Variants in PACS1 observed in about 807,000 individuals in gnomAD.
The protein encoded by PACS1 is phosphofurin acidic cluster sorting protein 1.
In PACS1, 24 loss-of-function variants were observed where a neutral mutation model predicts 115.0. That is an observed-to-expected ratio of 0.21 (90% CI 0.15 to 0.29). The LOEUF (loss-of-function observed/expected upper bound fraction) is 0.29, where lower values mean the gene tolerates loss of function less well. Ranked by LOEUF, PACS1 falls within the 10% of genes least tolerant of loss-of-function variation. The pLI, the probability that PACS1 is intolerant of heterozygous loss-of-function variation, is 1.00. For missense variants in PACS1, 838 were observed against 1,251.2 expected (o/e 0.67, Z 4.98); for synonymous variants, 453 against 504.5 (o/e 0.90, Z 1.37).
chr11:66,231,100 C>G (rs533898644), intron 13 of PACS1, among the ~76,000 whole-genome samples, 160 bp downstream of exon 13: 15 of 152,368 alleles, frequency 9.8e-5, no homozygotes, highest in Admixed American at 2.0e-4. Flanking sequence ...AGAGAGGTCT[C>G]CTATATTCCT....
intron 1 of PACS1, among the ~76,000 whole-genome samples, chr11:66,141,932 A>C (rs1213033494): frequency 6.6e-6 from 1 of 151,700 alleles, no homozygotes; most frequent in African/African-American, 2.4e-5. Context: ...CAGCCTCCTG[A>C]GTAGCTGGGA....
chr11:66,070,985 C>T lies in PACS1; in HGVS notation c.356+143C>T, dbSNP rs1474374487. 2 of 865,038 alleles carry T rather than the reference C, an allele frequency of 2.3e-6. No homozygotes were observed. The highest frequency in any genetic ancestry group is 3.2e-6 in the Non-Finnish European group (2 of 627,686). The allele number at this position is 865,038 out of a possible 1,614,324, so 53.6% of individuals were successfully genotyped here. A position where few individuals can be genotyped will look rare whatever the true frequency, so the allele number is the denominator to read the frequency against. The stretch of plus-strand genomic sequence containing the variant: ...CCCGGCCTGGCTCCAGCCAGGCCTC[C>T]CGGGACTCCTGCCACGGGGACCCGC... On this transcript the variant is annotated intron_variant, in intron 1 of 23. Coordinates refer to ENST00000320580, the MANE Select transcript of PACS1 (RefSeq NM_018026.4). This position sits in a 1 kb window ranked among gnomAD's most constrained non-coding sequence, Gnocchi z 5.9.
chr11:66,154,590 A>G (rs1267788284), intron 1 of PACS1, among the ~76,000 whole-genome samples: 1 of 152,212 alleles, frequency 6.6e-6, no homozygotes, highest in Non-Finnish European at 1.5e-5. Context: ...ACTGGAAAAA[A>G]AATTTTAAGT....
Position 66,105,934 on chromosome 11 carries a change from C to T in PACS1, c.356+35092C>T, listed in dbSNP as rs78667133. On this transcript the variant is annotated intron_variant, in intron 1 of 23. Transcript: ENST00000320580. Reference sequence around the variant, plus strand: ...AAAAGCCTTTTTATTTGAGATGAAACCCATACAGGCAGGGTAGAAAGGAGT... The same window carrying T: ...AAAAGCCTTTTTATTTGAGATGAAATCCATACAGGCAGGGTAGAAAGGAGT... 4.0e-3 allele frequency among the ~76,000 whole-genome samples: 602 copies of T among 152,208 alleles called. 3 individuals are homozygous for T. Among genetic ancestry groups the T allele is most frequent in the African/African-American group, 0.014 (572 of 41,524 alleles).
chr11:66,185,527 G>A (rs1409176039), intron 1 of PACS1, among the ~76,000 whole-genome samples: 1 of 152,184 alleles, frequency 6.6e-6, no homozygotes, highest in East Asian at 1.9e-4. Context: ...GACTCGGCTA[G>A]AGGTGTTCTT....
intron 2 of PACS1, among the ~76,000 whole-genome samples, chr11:66,208,543 C>T (rs931518305): frequency 6.6e-6 from 1 of 151,714 alleles, no homozygotes; most frequent in African/African-American, 2.4e-5. Context: ...ATTCCTGGCC[C>T]AGCCTGGTGG....
intron 1 of PACS1, among the ~76,000 whole-genome samples, chr11:66,150,416 C>T (rs975225262): frequency 3.3e-5 from 5 of 151,974 alleles, no homozygotes; most frequent in Non-Finnish European, 7.4e-5. Context: ...AACAGAATTC[C>T]TATATCTAAC....
chr11:66,128,577 T>A (rs1457599756), intron 1 of PACS1, among the ~76,000 whole-genome samples: 1 of 152,024 alleles, frequency 6.6e-6, no homozygotes, highest in African/African-American at 2.4e-5. Flanking sequence ...TAGAATTAAA[T>A]TTTAAAATTT....
At chr11:66,237,412 A>G (rs1039388553) in intron 19 of PACS1, among the ~76,000 whole-genome samples, 3 of 152,210 alleles carry the variant, frequency 2.0e-5, no homozygotes, top group Non-Finnish European at 4.4e-5. Context: ...TAGCTTCTAG[A>G]CAGGGAGGGG....
intron 1 of PACS1, among the ~76,000 whole-genome samples, chr11:66,104,574 AC>A (rs761726052): frequency 6.6e-6 from 1 of 152,198 alleles, no homozygotes; most frequent in Non-Finnish European, 1.5e-5. Context: ...CCAAATACTT[AC>A]TACTATCTGG....
rs71455703 is a variant in PACS1 at position 66,115,208 on chromosome 11, C to CAA, written c.356+44386_356+44387dup. Among the ~76,000 whole-genome samples the CAA allele has an allele frequency of 0.015, 1,231 of 80,184 alleles. 71 individuals are homozygous for CAA. The East Asian group carries it at 0.2, about 13-fold the overall frequency. 52.6% of individuals were successfully genotyped at this position (80,184 alleles called of 152,430 possible). A position where few individuals can be genotyped will look rare whatever the true frequency, so the allele number is the denominator to read the frequency against. On this transcript the variant is annotated intron_variant, in intron 1 of 23. Coordinates refer to ENST00000320580, the MANE Select transcript of PACS1 (RefSeq NM_018026.4). ...CAGGTAATAGAGCGAGACCCTATCT[C>CAA]AAAAAAAAAAAAAAAAAAAAACTAG...
intron 1 of PACS1, among the ~76,000 whole-genome samples, chr11:66,153,432 C>T (rs1859288190): frequency 6.6e-6 from 1 of 152,012 alleles, no homozygotes; most frequent in Non-Finnish European, 1.5e-5. Context: ...ATTGCTTGAG[C>T]CCAGAAGTTT....
At position 66,168,423 on chromosome 11, in the gene PACS1, C is replaced by T. The variant is rs967297731; in HGVS notation, c.357-25063C>T. On this transcript the variant is annotated intron_variant, in intron 1 of 23. Coordinates refer to ENST00000320580, the MANE Select transcript of PACS1 (RefSeq NM_018026.4). The stretch of plus-strand genomic sequence containing the variant: ...TGCAGGTCTTGCACATCTTATGGAG[C>T]GAGACAGTGTAGAGACAGCGTAGAG... Among the ~76,000 whole-genome samples the T allele has an allele frequency of 1.7e-4, 26 of 150,322 alleles. 4 individuals are homozygous for T. The highest frequency in any genetic ancestry group is 6.3e-4 in the African/African-American group (25 of 39,708).
intron 1 of PACS1, among the ~76,000 whole-genome samples, chr11:66,152,190 T>A (rs1671841274): frequency 6.6e-6 from 1 of 152,082 alleles, no homozygotes; most frequent in Admixed American, 6.6e-5. Flanking sequence ...GCTGTGATCG[T>A]GCCACTGCAC....
chr11:66,076,608 G>T lies in PACS1; in HGVS notation c.356+5766G>T, dbSNP rs59610007. 9.0e-3 allele frequency among the ~76,000 whole-genome samples: 1,367 copies of T among 152,236 alleles called. 19 individuals are homozygous for T. Among genetic ancestry groups the T allele is most frequent in the African/African-American group, 0.031 (1,281 of 41,524 alleles). ...GGGTTTCCCCATGTTGGCCAGGCTG[G>T]TTTCGAACTTCTGACCTCAAGTGAT... On this transcript the variant is annotated intron_variant, in intron 1 of 23. Transcript: ENST00000320580.
In PACS1 at chr11:66,168,910, T is replaced by C; in HGVS notation, c.357-24576T>C. 1.3e-5 allele frequency among the ~76,000 whole-genome samples: 2 copies of C among 150,584 alleles called. 1 individual carries two copies. The highest frequency in any genetic ancestry group is 5.0e-5 in the African/African-American group (2 of 39,872). On this transcript the variant is annotated intron_variant, in intron 1 of 23. Coordinates refer to ENST00000320580, the MANE Select transcript of PACS1 (RefSeq NM_018026.4). ...CTCTCATTAATCCTAATAATGAGAA[T>C]TCTTCTGGATTTCCCAAATGGGCTA...
chr11:66,149,940 G>C (rs1202111176), intron 1 of PACS1, among the ~76,000 whole-genome samples: 1 of 151,956 alleles, frequency 6.6e-6, no homozygotes. Flanking sequence ...GTAGAGATGG[G>C]GTTTCTCCAT....
chr11:66,204,309 G>A (rs569431335), intron 2 of PACS1, among the ~76,000 whole-genome samples: 5 of 152,156 alleles, frequency 3.3e-5, no homozygotes, highest in African/African-American at 1.2e-4. Flanking sequence ...ATCATTAATT[G>A]TCAGAGAAAT....
intron 2 of PACS1, among the ~76,000 whole-genome samples, chr11:66,197,143 T>G (rs1854668931): frequency 6.6e-6 from 1 of 152,084 alleles, no homozygotes; most frequent in South Asian, 2.1e-4. Flanking sequence ...GTGGATTGGG[T>G]TTTTAACTTT....
Sources: gnomAD v4.1 joint callset for allele counts (sites outside exome capture counted in the v4.1 genomes callset) on GRCh38, gnomAD v4.1.1 for gene constraint, Gnocchi (gnomAD v3.1) non-coding constraint, MANE v1.5 for transcripts, NCBI Gene and HGNC (gene_info 2026-07-23, HGNC 2026-07-21) for gene names.